TTC21B: variants seen among roughly 807,000 people sequenced by gnomAD.
TTC21B encodes the protein tetratricopeptide repeat protein 21B.
In TTC21B, 127 loss-of-function variants were observed where a neutral mutation model predicts 175.1. The observed-to-expected ratio is 0.73, with a 90% CI of 0.63 to 0.84. TTC21B has a LOEUF of 0.84. Ranked by LOEUF, TTC21B falls within the 40% of genes least tolerant of loss-of-function variation. The pLI is 0.00. For missense variants in TTC21B, 1,561 were observed against 1,558.3 expected, an observed-to-expected ratio of 1.00 and a Z score of -0.03; for synonymous variants, 524 against 524.5, an observed-to-expected ratio of 1.00 and a Z score of 0.01.
At chr2:165,929,055 T>A (rs778360217) in intron 11 of TTC21B, 80 bp downstream of exon 11, 7 of 1,230,252 alleles carry the variant, frequency 5.7e-6, no homozygotes, top group Non-Finnish European at 8.3e-6. Context: ...TATAGTCTAA[T>A]GCATCAAAGA....
chr2:165,897,802 A>T (rs2105300504), intron 22 of TTC21B, among the ~76,000 whole-genome samples: 1 of 152,352 alleles, frequency 6.6e-6, no homozygotes, highest in Non-Finnish European at 1.5e-5. Flanking sequence ...CTCAAACAGC[A>T]GGCAATGGGG....
intron 12 of TTC21B, among the ~76,000 whole-genome samples, chr2:165,920,383 G>C (rs550798140): frequency 6.6e-6 from 1 of 152,270 alleles, no homozygotes; most frequent in African/African-American, 2.4e-5. Flanking sequence ...AAGATTAATA[G>C]AAAACTAACT....
chr2:165,909,264 T>C (rs1330432248), intron 18 of TTC21B, among the ~76,000 whole-genome samples: 2 of 151,930 alleles, frequency 1.3e-5, no homozygotes, highest in Non-Finnish European at 2.9e-5. Context: ...GTTCTCAATA[T>C]AAAAATGAAA....
intron 1 of TTC21B, among the ~76,000 whole-genome samples, chr2:165,950,555 G>T (rs1165526226): frequency 6.6e-6 from 1 of 152,210 alleles, no homozygotes; most frequent in Admixed American, 6.5e-5. Context: ...TTCAGTAGCA[G>T]TGAGAAATAC....
In TTC21B at chr2:165,949,452, A is replaced by C. The variant is rs781434023; in HGVS notation, c.204T>G (p.Asp68Glu). 15 of 1,613,912 alleles carry C rather than the reference A, an allele frequency of 9.3e-6. No homozygotes were observed. The South Asian group carries it at 1.4e-4, about 15-fold the overall frequency. The change falls in exon 3 of 29, where the codon GAT (aspartate) becomes GAG (glutamate). Residue 68 changes from aspartate (D) to glutamate (E), a missense_variant. Asp to Glu is a conservative substitution (Grantham distance 45). Coordinates refer to ENST00000243344, the MANE Select transcript of TTC21B (RefSeq NM_024753.5). ...REFEAIKNKQDVSLCSLLALI... is the reference protein window; with the variant it reads ...REFEAIKNKQEVSLCSLLALI... ...GTGCAAGTAGAGAACAAAGTGATAC[A>C]TCTTGTTTATTTTTAATAGCCTCAA...
In TTC21B at chr2:165,899,850, C is replaced by G. The variant is rs1685493323; in HGVS notation, c.2788G>C (p.Ala930Pro). 1.9e-6 allele frequency: 3 copies of G among 1,613,328 alleles called. No homozygotes were observed. The East Asian group carries it at 6.7e-5, about 36-fold the overall frequency. ...IMLELARLYL[A>P]QDDPDSCLRQ... is the part of the protein sequence containing the mutation. ...AGGCAGGAATCAGGGTCATCTTGTGCCAGGTATAATCGTGCCAGTTCCAAC... is the reference window on the plus strand; with the variant it reads ...AGGCAGGAATCAGGGTCATCTTGTGGCAGGTATAATCGTGCCAGTTCCAAC... Residue 930 changes from alanine to proline, a missense_variant, in exon 21 of 29, where the codon GCA becomes CCA. By Grantham distance (27) the Ala-to-Pro change is conservative. Transcript: ENST00000243344.
rs993898443 is a variant in TTC21B at position 165,929,523 on chromosome 2, T to G, written c.1185+127A>C. On this transcript the variant is annotated intron_variant, in intron 10 of 28. Transcript: ENST00000243344. ...TTAGTTTTGAATGGAGGTAAATAAATGCAATTACATATTAAAATTAGTGTA... is the reference window on the plus strand; with the variant it reads ...TTAGTTTTGAATGGAGGTAAATAAAGGCAATTACATATTAAAATTAGTGTA... The G allele has an allele frequency of 6.9e-6, 6 of 873,036 alleles. No homozygotes were observed. In the African/African-American group the frequency reaches 1.0e-4, roughly 15 times the overall value. The allele number at this position is 873,036 out of a possible 1,614,324, so 54.1% of individuals were successfully genotyped here.
intron 27 of TTC21B, 37 bp downstream of exon 27, chr2:165,880,642 T>C: frequency 1.2e-6 from 2 of 1,611,090 alleles, no homozygotes; most frequent in Non-Finnish European, 1.7e-6. Context: ...TACAACATAA[T>C]TTTTCTGTGA....
intron 19 of TTC21B, among the ~76,000 whole-genome samples, chr2:165,903,191 T>C (rs989012456): frequency 6.6e-6 from 1 of 152,150 alleles, no homozygotes; most frequent in Non-Finnish European, 1.5e-5. Flanking sequence ...GAGTACATAA[T>C]AGAAAATCTA....
At chr2:165,906,869 C>T (rs558128834) in intron 19 of TTC21B, among the ~76,000 whole-genome samples, 3 of 149,294 alleles carry the variant, frequency 2.0e-5, no homozygotes, top group East Asian at 4.0e-4. Context: ...ACAACAGAAT[C>T]GCTTCAACCT....
At chr2:165,890,330 T>C (rs1685143914) in intron 24 of TTC21B, 149 bp downstream of exon 24, 1 of 706,192 alleles carries the variant, frequency 1.4e-6, no homozygotes. Flanking sequence ...AACTATTCTC[T>C]GAAACAGGCA....
chr2:165,890,299 A>T (rs1475781597), intron 24 of TTC21B, among the ~76,000 whole-genome samples, 180 bp downstream of exon 24: 1 of 152,218 alleles, frequency 6.6e-6, no homozygotes, highest in Non-Finnish European at 1.5e-5. Flanking sequence ...TCTATTGAAT[A>T]ACTATTCAAT....
chr2:165,886,686 T>C (rs1215253163), intron 25 of TTC21B, among the ~76,000 whole-genome samples: 1 of 152,206 alleles, frequency 6.6e-6, no homozygotes, highest in Admixed American at 6.5e-5. Flanking sequence ...GAAATAGCTG[T>C]AATATCATTC....
At chr2:165,940,403 A>G (rs919686) in intron 6 of TTC21B, among the ~76,000 whole-genome samples, 151,709 of 152,254 alleles carry the variant, frequency 1, 75,584 homozygotes, top group Middle Eastern at 1. Context: ...TTACATGGGT[A>G]ACAAGACCCT....
intron 19 of TTC21B, among the ~76,000 whole-genome samples, chr2:165,906,253 C>A (rs1338113318): frequency 4.5e-5 from 2 of 44,782 alleles, no homozygotes; most frequent in East Asian, 5.9e-4. Flanking sequence ...TTTCAAGAGG[C>A]TAAAAAAAAA....
intron 6 of TTC21B, among the ~76,000 whole-genome samples, chr2:165,934,418 C>G (rs758810041): frequency 4.3e-4 from 63 of 146,734 alleles, no homozygotes; most frequent in Non-Finnish European, 8.2e-4. Flanking sequence ...ATGAGAATCA[C>G]TTGAACCCGG....
intron 6 of TTC21B, among the ~76,000 whole-genome samples, chr2:165,935,288 C>T (rs902575133): frequency 1.1e-4 from 16 of 152,140 alleles, no homozygotes; most frequent in Non-Finnish European, 7.4e-5. Flanking sequence ...CTAACAAATA[C>T]AGTATCTTGG....
chr2:165,929,764 GAAAGACAGTCA>G lies in TTC21B; in HGVS notation c.1088-28_1088-18del. 6.4e-7 allele frequency: 1 copy of G among 1,569,040 alleles called. No homozygotes were observed. Among genetic ancestry groups the G allele is most frequent in the Non-Finnish European group, 8.8e-7 (1 of 1,141,776 alleles). ...GGATAAATCCTAAAATCAAACAGCA[GAAAGACAGTCA>G]AAGTCCACACCAATTCAGGGATGCA... On this transcript the variant is annotated intron_variant, in intron 9 of 28. Coordinates refer to ENST00000243344, the MANE Select transcript of TTC21B (RefSeq NM_024753.5).
intron 18 of TTC21B, among the ~76,000 whole-genome samples, chr2:165,908,321 T>C (rs145563992): frequency 1.2e-3 from 183 of 152,224 alleles, no homozygotes; most frequent in Middle Eastern, 3.4e-3. Flanking sequence ...ATCTGTAAAA[T>C]AGGAAAAATG....
Sources: gnomAD v4.1 joint callset for allele counts (sites outside exome capture counted in the v4.1 genomes callset) on GRCh38, gnomAD v4.1.1 for gene constraint, MANE v1.5 for transcripts, NCBI Gene and HGNC (gene_info 2026-07-23, HGNC 2026-07-21) for gene names.